The following CCDC3 variants were observed in gnomAD, a reference collection of about 807,000 sequenced individuals.
CCDC3 encodes the protein coiled-coil domain containing 3.
Under a neutral mutation model 21.4 loss-of-function variants are expected in CCDC3, and 24 were observed. The observed-to-expected ratio is 1.12, with a 90% CI of 0.81 to 1.58. CCDC3 has a LOEUF of 1.58. Ranked by LOEUF, CCDC3 falls within the 40% of genes most tolerant of loss-of-function variation. The probability of loss-of-function intolerance (pLI) is 0.00; values close to 1 mark genes in which losing one functional copy is unlikely to be tolerated. For missense variants in CCDC3, 425 were observed against 360.9 expected (o/e 1.18, Z -1.44); for synonymous variants, 186 against 166.0 (o/e 1.12, Z -0.93).
chr10:13,058,311 C>G, intron 4 of CCDC3: 3 of 1,356,764 alleles, frequency 2.2e-6, no homozygotes, highest in Non-Finnish European at 3.1e-6. Context: ...GTCACCTTCA[C>G]TTGGCCTTCA....
chr10:13,031,108 C>T (rs1402028840), intron 5 of CCDC3, among the ~76,000 whole-genome samples: 9 of 152,224 alleles, frequency 5.9e-5, no homozygotes, highest in Non-Finnish European at 1.2e-4. Context: ...GAGCACTCCT[C>T]AGCAAATGTA....
At chr10:12,994,370 C>T (rs921124704) in intron 2 of CCDC3, among the ~76,000 whole-genome samples, 3 of 150,938 alleles carry the variant, frequency 2.0e-5, no homozygotes, top group Non-Finnish European at 4.4e-5. Flanking sequence ...TGCACTCCAA[C>T]CTGGGCAACA....
At chr10:12,997,519 C>T (rs1053244251) in intron 2 of CCDC3, among the ~76,000 whole-genome samples, 1 of 152,224 alleles carries the variant, frequency 6.6e-6, no homozygotes, top group Non-Finnish European at 1.5e-5. Context: ...CCAACCCTTA[C>T]GATCCCGACC....
chr10:13,062,358 T>C (rs891450900), intron 4 of CCDC3, among the ~76,000 whole-genome samples: 1 of 152,208 alleles, frequency 6.6e-6, no homozygotes, highest in Non-Finnish European at 1.5e-5. Flanking sequence ...CCATTGTATG[T>C]ACATAAGATG....
At chr10:12,973,568 C>T (rs774525829) in intron 2 of CCDC3, among the ~76,000 whole-genome samples, 3 of 152,242 alleles carry the variant, frequency 2.0e-5, no homozygotes, top group Non-Finnish European at 4.4e-5. Context: ...AAAGGTCATA[C>T]GCAGTGATTA....
intron 2 of CCDC3, chr10:13,098,727 T>TTTTTTTTTTTTTG (rs1832667648): frequency 7.4e-6 from 1 of 135,738 alleles, no homozygotes; most frequent in African/African-American, 2.9e-5. Context: ...TTTTTTTTTT[T>TTTTTTTTTTTTTG]TTTTTTTGAG....
At chr10:12,905,082 T>C (rs977434649) in intron 2 of CCDC3, among the ~76,000 whole-genome samples, 11 of 151,428 alleles carry the variant, frequency 7.3e-5, no homozygotes, top group African/African-American at 2.4e-4. Flanking sequence ...CGTAAAAATA[T>C]AAAGGAAGAA....
At chr10:12,932,381 CTATTT>C (rs1564288795) in intron 2 of CCDC3, among the ~76,000 whole-genome samples, 1 of 151,998 alleles carries the variant, frequency 6.6e-6, no homozygotes, top group East Asian at 1.9e-4. Context: ...AACACAAAGC[CTATTT>C]TATTAAAAAG....
intron 4 of CCDC3, among the ~76,000 whole-genome samples, chr10:13,063,913 T>G (rs578173304): frequency 1.7e-3 from 242 of 146,330 alleles, no homozygotes; most frequent in Non-Finnish European, 2.8e-3. Flanking sequence ...GTGTGAGTCG[T>G]TTTTTTTTGT....
chr10:12,999,694 C>T (rs1025236352), intron 1 of CCDC3, among the ~76,000 whole-genome samples: 1 of 152,198 alleles, frequency 6.6e-6, no homozygotes, highest in Non-Finnish European at 1.5e-5. Context: ...ATTGGCTGAG[C>T]ACCACGGAAC....
chr10:13,002,710 CTA>C (rs1351219762), upstream of CCDC3, among the ~76,000 whole-genome samples: 1 of 152,186 alleles, frequency 6.6e-6, no homozygotes, highest in Non-Finnish European at 1.5e-5. Context: ...TTTCATAATG[CTA>C]TTAGTCTCCC....
intron 2 of CCDC3, among the ~76,000 whole-genome samples, chr10:12,953,190 C>G (rs975060962): frequency 2.0e-5 from 3 of 152,312 alleles, no homozygotes; most frequent in Non-Finnish European, 4.4e-5. Context: ...ACAAGGATGG[C>G]AGCAGGCAAA....
chr10:12,927,698 G>C (rs17593271), intron 2 of CCDC3, among the ~76,000 whole-genome samples: 11,594 of 152,192 alleles, frequency 0.076, 618 homozygotes, highest in Non-Finnish European at 0.11. Context: ...TACACACTTT[G>C]TCCCAAAACA....
At chr10:13,043,790 A>G (rs1836492152) in intron 5 of CCDC3, among the ~76,000 whole-genome samples, 2 of 152,134 alleles carry the variant, frequency 1.3e-5, no homozygotes, top group Non-Finnish European at 1.5e-5. Context: ...TGTCTTTGCT[A>G]TTGTCAATAT....
chr10:13,072,025 G>C lies in CCDC3; in HGVS notation c.-270+1843C>G, dbSNP rs139157062. 3.1e-3 allele frequency among the ~76,000 whole-genome samples: 472 copies of C among 152,216 alleles called. 2 individuals carry two copies. Among genetic ancestry groups the C allele is most frequent in the African/African-American group, 0.011 (450 of 41,528 alleles). On this transcript the variant is annotated intron_variant, in intron 4 of 6. Coordinates refer to the CCDC3 transcript ENST00000378839. ...AAGGGAACCCAGAAGTCCAAATGCT[G>C]GCAAAAGGGTAGTTTCATTTTTTAT...
At chr10:13,054,154 C>CAAAAAAAAAA (rs71386143) in intron 4 of CCDC3, among the ~76,000 whole-genome samples, 97 of 99,826 alleles carry the variant, frequency 9.7e-4, no homozygotes, top group Non-Finnish European at 1.6e-3. Flanking sequence ...GACTCTGTAT[C>CAAAAAAAAAA]AAAAAAAAAA....
chr10:12,904,511 G>A (rs1042631860), intron 2 of CCDC3, among the ~76,000 whole-genome samples: 3 of 139,760 alleles, frequency 2.1e-5, no homozygotes, highest in African/African-American at 8.0e-5. Context: ...AGGCTCACTA[G>A]TTATTAATCC....
chr10:13,035,039 A>AG (rs1196024524), intron 5 of CCDC3, among the ~76,000 whole-genome samples: 7 of 151,342 alleles, frequency 4.6e-5, no homozygotes, highest in Non-Finnish European at 1.0e-4. Flanking sequence ...AAATTAAAAA[A>AG]AAAAAATTAA....
chr10:13,035,404 G>T (rs982297798), intron 5 of CCDC3, among the ~76,000 whole-genome samples: 1 of 152,192 alleles, frequency 6.6e-6, no homozygotes, highest in Admixed American at 6.5e-5. Flanking sequence ...ATAAATGCTA[G>T]CTGGTAAAGA....
Sources: gnomAD v4.1 joint callset for allele counts (sites outside exome capture counted in the v4.1 genomes callset) on GRCh38, gnomAD v4.1.1 for gene constraint, MANE v1.5 for transcripts, NCBI Gene and HGNC (gene_info 2026-07-23, HGNC 2026-07-21) for gene names.